MYO16: variants seen among roughly 807,000 people sequenced by gnomAD.
The protein encoded by MYO16 is myosin XVI.
MYO16 carries 94 observed loss-of-function variants against 205.3 expected under a neutral mutation model. The observed-to-expected ratio is 0.46, with a 90% CI of 0.39 to 0.54. The LOEUF (loss-of-function observed/expected upper bound fraction) is 0.54, where lower values mean the gene tolerates loss of function less well. Among genes scored for constraint, MYO16 ranks in the 20% least tolerant of loss-of-function variants. The pLI is 0.00. For synonymous variants in MYO16, 988 were observed against 954.0 expected (o/e 1.04, Z -0.66); for missense variants, 2,315 against 2,387.5 (o/e 0.97, Z 0.63).
chr13:108,794,763 G>GA (rs1233917918), intron 6 of MYO16, among the ~76,000 whole-genome samples: 1 of 152,054 alleles, frequency 6.6e-6, no homozygotes. Context: ...AGACCCAGGG[G>GA]AAAAAAATTT....
At chr13:108,675,055 G>T (rs989308713) in intron 2 of MYO16, among the ~76,000 whole-genome samples, 1 of 152,198 alleles carries the variant, frequency 6.6e-6, no homozygotes, top group Non-Finnish European at 1.5e-5. Context: ...ACCGCCCTCT[G>T]AATGTGAAGC....
intron 2 of MYO16, among the ~76,000 whole-genome samples, chr13:108,707,948 G>A (rs936085510): frequency 1.3e-5 from 2 of 152,122 alleles, no homozygotes; most frequent in Admixed American, 6.5e-5. Context: ...GCAAAAATGG[G>A]ATTTTGGAGG....
chr13:108,752,797 G>A (rs1266288776), intron 4 of MYO16, among the ~76,000 whole-genome samples: 1 of 121,304 alleles, frequency 8.2e-6, no homozygotes, highest in South Asian at 2.8e-4. Context: ...ACCTGCCACC[G>A]TGCCCAGCTA....
chr13:108,522,126 C>G, the MYO16 span, among the ~76,000 whole-genome samples: 2 of 152,214 alleles, frequency 1.3e-5, no homozygotes, highest in Non-Finnish European at 2.9e-5. Context: ...CTGTTTTGCA[C>G]AGCTATTGTT....
At chr13:108,674,517 T>C (rs1882120417) in intron 2 of MYO16, among the ~76,000 whole-genome samples, 3 of 152,258 alleles carry the variant, frequency 2.0e-5, no homozygotes, top group African/African-American at 7.2e-5. Context: ...TTATCCTCTC[T>C]CCCTGACCTC....
Position 109,133,696 on chromosome 13 carries a change from G to C in MYO16, c.4051+6146G>C, listed in dbSNP as rs113202725. On this transcript the variant is annotated intron_variant, in intron 31 of 34. Transcript: ENST00000457511. ...ACTGTCTTCCCTACTTCATCTCATT[G>C]ACTTTATCAAGTAGTTGCAAACATT... 3.8e-3 allele frequency among the ~76,000 whole-genome samples: 584 copies of C among 152,242 alleles called. 2 individuals are homozygous for C. Among genetic ancestry groups the C allele is most frequent in the African/African-American group, 0.013 (555 of 41,522 alleles).
intron 20 of MYO16, among the ~76,000 whole-genome samples, chr13:108,969,490 C>T (rs1403781136): frequency 6.6e-6 from 1 of 152,190 alleles, no homozygotes; most frequent in African/African-American, 2.4e-5. Flanking sequence ...TTCCATTCCA[C>T]TCTCTTCACT....
At chr13:108,645,472 C>T (rs1432294052) in intron 1 of MYO16, among the ~76,000 whole-genome samples, 1 of 152,156 alleles carries the variant, frequency 6.6e-6, no homozygotes, top group African/African-American at 2.4e-5. Flanking sequence ...TGATTCCTAA[C>T]ATTCAGAGAA....
chr13:108,524,297 T>G, the MYO16 span, among the ~76,000 whole-genome samples: 3 of 131,114 alleles, frequency 2.3e-5, no homozygotes, highest in African/African-American at 8.8e-5. Context: ...AGGGCAAGAC[T>G]CCGTCTCCAA....
chr13:108,809,715 T>A (rs1030557613), intron 7 of MYO16, among the ~76,000 whole-genome samples: 1 of 152,164 alleles, frequency 6.6e-6, no homozygotes. Flanking sequence ...GGGCTTGCAA[T>A]TCAACATGAG....
chr13:109,170,223 G>C (rs1878869930), intron 33 of MYO16, among the ~76,000 whole-genome samples: 1 of 151,646 alleles, frequency 6.6e-6, no homozygotes, highest in African/African-American at 2.4e-5. Context: ...AAAAACAAAA[G>C]ACAGCTGAAA....
intron 32 of MYO16, among the ~76,000 whole-genome samples, chr13:109,145,539 C>A (rs868164103): frequency 1.3e-5 from 2 of 152,118 alleles, no homozygotes; most frequent in African/African-American, 4.8e-5. Flanking sequence ...GGCTACTTGG[C>A]CCTTAAAATT....
the MYO16 span, among the ~76,000 whole-genome samples, chr13:108,525,878 T>A: frequency 1.3e-5 from 2 of 152,170 alleles, no homozygotes; most frequent in East Asian, 3.9e-4. Flanking sequence ...CTTGAGCAAA[T>A]GATCCTTTTT....
intron 5 of MYO16, among the ~76,000 whole-genome samples, chr13:108,788,710 GA>G (rs1261509971): frequency 6.6e-6 from 1 of 152,178 alleles, no homozygotes; most frequent in Non-Finnish European, 1.5e-5. Flanking sequence ...AAACCCATTG[GA>G]AATGCCCTTG....
chr13:108,931,726 C>T (rs1179415773), intron 16 of MYO16, among the ~76,000 whole-genome samples: 1 of 152,176 alleles, frequency 6.6e-6, no homozygotes, highest in Non-Finnish European at 1.5e-5. Context: ...AAATGTTGCT[C>T]TGTGCATCTG....
chr13:108,949,612 A>G (rs1396405188), intron 16 of MYO16, among the ~76,000 whole-genome samples: 1 of 152,222 alleles, frequency 6.6e-6, no homozygotes. Flanking sequence ...AAGGTGATTT[A>G]TAGGTTTAGT....
chr13:108,961,963 G>A (rs1883602517), intron 18 of MYO16, among the ~76,000 whole-genome samples: 1 of 151,974 alleles, frequency 6.6e-6, no homozygotes, highest in Non-Finnish European at 1.5e-5. Context: ...GTGTATTTTG[G>A]GAGCATGTTA....
chr13:108,714,592 C>CTGTG (rs572376937), intron 3 of MYO16, among the ~76,000 whole-genome samples: 1,776 of 146,770 alleles, frequency 0.012, 16 homozygotes, highest in Non-Finnish European at 0.019. Flanking sequence ...GTGTGTGTGT[C>CTGTG]TGTGTGTGTG....
intron 9 of MYO16, among the ~76,000 whole-genome samples, chr13:108,830,399 G>T (rs1365033956): frequency 6.7e-6 from 1 of 150,130 alleles, no homozygotes; most frequent in African/African-American, 2.4e-5. Context: ...ACAAAATGTG[G>T]CACATATACA....
Sources: gnomAD v4.1 joint callset for allele counts (sites outside exome capture counted in the v4.1 genomes callset) on GRCh38, gnomAD v4.1.1 for gene constraint, MANE v1.5 for transcripts, NCBI Gene and HGNC (gene_info 2026-07-23, HGNC 2026-07-21) for gene names.